The following ASAP2 variants were observed in gnomAD, a reference collection of about 807,000 sequenced individuals.
The protein encoded by ASAP2 is arf-GAP with SH3 domain, ANK repeat and PH domain-containing protein 2.
A neutral mutation model predicts 131.4 loss-of-function variants in ASAP2; 45 were observed. The observed-to-expected ratio is 0.34, with a 90% confidence interval of 0.27 to 0.44. The LOEUF (loss-of-function observed/expected upper bound fraction) is 0.44, where lower values mean the gene tolerates loss of function less well. Ranked by LOEUF, ASAP2 falls within the 20% of genes least tolerant of loss-of-function variation. ASAP2 has a pLI of 1.00. For synonymous variants in ASAP2, 510 were observed against 503.0 expected (o/e 1.01, Z -0.19); for missense variants, 1,011 against 1,297.0 (o/e 0.78, Z 3.39).
chr2:9,326,474 G>A (rs949880083), intron 6 of ASAP2, among the ~76,000 whole-genome samples: 4 of 126,684 alleles, frequency 3.2e-5, no homozygotes, highest in African/African-American at 1.4e-4. Flanking sequence ...GAGAAGGCGT[G>A]AGAAGATCCT....
intron 27 of ASAP2, among the ~76,000 whole-genome samples, chr2:9,402,119 G>C (rs1292466760): frequency 6.6e-6 from 1 of 152,234 alleles, no homozygotes; most frequent in Non-Finnish European, 1.5e-5. Context: ...GTTCAGCTGG[G>C]AACTCACAGG....
At chr2:9,339,075 A>C (rs1671413270) in intron 9 of ASAP2, among the ~76,000 whole-genome samples, 1 of 152,148 alleles carries the variant, frequency 6.6e-6, no homozygotes, top group South Asian at 2.1e-4. Context: ...GCTACCCGGG[A>C]GGCTGAGGTG....
chr2:9,317,322 C>T (rs924877007), intron 3 of ASAP2, among the ~76,000 whole-genome samples: 67 of 75,126 alleles, frequency 8.9e-4, no homozygotes, highest in Admixed American at 2.3e-3. Flanking sequence ...TCCACTCACA[C>T]AATCATATCT....
rs986563420 is a variant in ASAP2, at chr2:9,403,415, G to C, written c.*88G>C. Reference sequence around the variant, plus strand: ...TGCCAGATAACCAGTTTCATGAACTGTTTGTATGGCAGCCCATGTTCTCTA... The same window carrying C: ...TGCCAGATAACCAGTTTCATGAACTCTTTGTATGGCAGCCCATGTTCTCTA... On this transcript the variant is annotated 3_prime_UTR_variant, in exon 28 of 28. Transcript: ENST00000281419. 7.7e-7 allele frequency: 1 copy of C among 1,303,456 alleles called. No individual in the cohort carries two copies. Among genetic ancestry groups the C allele is most frequent in the African/African-American group, 1.5e-5 (1 of 68,714 alleles). The allele number at this position is 1,303,456 out of a possible 1,614,324, so 80.7% of individuals were successfully genotyped here.
chr2:9,396,456 T>A (rs189666038), intron 24 of ASAP2, among the ~76,000 whole-genome samples: 2 of 152,168 alleles, frequency 1.3e-5, no homozygotes, highest in Admixed American at 1.3e-4. Context: ...TTTTATATTT[T>A]GTAGAGGTGG....
chr2:9,362,731 A>G (rs1673190931), intron 15 of ASAP2, among the ~76,000 whole-genome samples: 1 of 152,136 alleles, frequency 6.6e-6, no homozygotes, highest in African/African-American at 2.4e-5. Context: ...GGTCCCAGCT[A>G]CTTGGGAGGC....
chr2:9,271,327 A>G (rs1666378279), intron 1 of ASAP2: 2 of 1,015,650 alleles, frequency 2.0e-6, no homozygotes, highest in African/African-American at 3.2e-5. Flanking sequence ...TAGCCAGTCC[A>G]AGCTCTACGA....
chr2:9,224,677 C>A (rs1325259307), intron 1 of ASAP2, among the ~76,000 whole-genome samples: 3 of 152,212 alleles, frequency 2.0e-5, no homozygotes, highest in Non-Finnish European at 1.5e-5. Context: ...GTAGAACCTT[C>A]CCTAACACTC....
chr2:9,270,812 A>G (rs1392972205), intron 1 of ASAP2, among the ~76,000 whole-genome samples: 1 of 30,380 alleles, frequency 3.3e-5, no homozygotes, highest in African/African-American at 1.5e-4. Context: ...TTTTTTTTTG[A>G]GACGGAGTCT....
At position 9,367,151 on chromosome 2, in the gene ASAP2, C is replaced by T. The variant is rs151325668; in HGVS notation, c.1462-1274C>T. Among the ~76,000 whole-genome samples the T allele has an allele frequency of 4.9e-3, 737 of 151,768 alleles. 5 individuals carry two copies. The highest frequency in any genetic ancestry group is 0.017 in the African/African-American group (716 of 41,242). ...ATTCAAGCAATTCTCCTGTCTCAGCCTCCTGAGTAGCTGGGACTACAGGTG... is the reference window on the plus strand; with the variant it reads ...ATTCAAGCAATTCTCCTGTCTCAGCTTCCTGAGTAGCTGGGACTACAGGTG... On this transcript the variant is annotated intron_variant, in intron 15 of 27. Transcript: ENST00000281419.
At chr2:9,398,135 C>G (rs952474946) in intron 24 of ASAP2, among the ~76,000 whole-genome samples, 1 of 151,952 alleles carries the variant, frequency 6.6e-6, no homozygotes, top group African/African-American at 2.4e-5. Flanking sequence ...GGAACATTAG[C>G]CACACCTGTT....
At chr2:9,221,904 C>T (rs1392195912) in intron 1 of ASAP2, among the ~76,000 whole-genome samples, 1 of 152,180 alleles carries the variant, frequency 6.6e-6, no homozygotes, top group Non-Finnish European at 1.5e-5. Context: ...CGCCATTCTC[C>T]TGCCTCAGCC....
chr2:9,309,058 C>T (rs1669126859), intron 3 of ASAP2, among the ~76,000 whole-genome samples: 2 of 152,160 alleles, frequency 1.3e-5, no homozygotes, highest in South Asian at 4.1e-4. Context: ...GCGCACTTCC[C>T]CCAGGTCCTC....
At chr2:9,370,893 A>T (rs1033165269) in intron 16 of ASAP2, among the ~76,000 whole-genome samples, 1 of 152,192 alleles carries the variant, frequency 6.6e-6, no homozygotes, top group Non-Finnish European at 1.5e-5. Flanking sequence ...TGGCGAGGTC[A>T]TCTCCTGCTG....
intron 3 of ASAP2, among the ~76,000 whole-genome samples, chr2:9,301,841 T>TTTTTTTTTTTTTTTTTG (rs1668498205): frequency 6.9e-6 from 1 of 145,886 alleles, no homozygotes; most frequent in African/African-American, 2.7e-5. Flanking sequence ...TTTTTTTTTT[T>TTTTTTTTTTTTTTTTTG]GAGACGGAGT....
At chr2:9,401,172 G>T in intron 26 of ASAP2, 102 bp from the exon 27 acceptor site, 8 of 1,464,814 alleles carry the variant, frequency 5.5e-6, no homozygotes, top group Non-Finnish European at 7.5e-6. Context: ...TCAGGCCTAG[G>T]TACGGGACTC....
In ASAP2 at chr2:9,393,645, G is replaced by A. The variant is rs6728908; in HGVS notation, c.2682G>A (p.Pro894=). The A allele has an allele frequency of 0.016, 24,385 of 1,567,638 alleles. 2,404 individuals are homozygous for A. In the African/African-American group the frequency reaches 0.25, roughly 16 times the overall value. ...GCCTCCCGCAGAAGAAGCCTGCGCC[G>A]GGGTAAGCCACCCCCAGCCAGCTCG... is the stretch of plus-strand genomic sequence containing the variant. The part of the protein sequence containing the change: ...PSRLPQKKPA[P]GADKSTPLTN... The change falls in exon 24 of 28, where the codon CCG becomes CCA. Residue 894 remains proline (P), a splice_region_variant and synonymous_variant. Transcript: ENST00000281419.
intron 7 of ASAP2, among the ~76,000 whole-genome samples, chr2:9,331,977 G>T (rs1409181428): frequency 1.3e-5 from 2 of 152,102 alleles, no homozygotes; most frequent in African/African-American, 4.8e-5. Context: ...AGCAGACACC[G>T]CATTGGAATG....
intron 1 of ASAP2, among the ~76,000 whole-genome samples, chr2:9,229,471 A>G (rs1052403192): frequency 6.6e-6 from 1 of 152,208 alleles, no homozygotes; most frequent in African/African-American, 2.4e-5. Context: ...GGGCAGCTAC[A>G]AAGGAGACAG....
Sources: gnomAD v4.1 joint callset for allele counts (sites outside exome capture counted in the v4.1 genomes callset) on GRCh38, gnomAD v4.1.1 for gene constraint, MANE v1.5 for transcripts, NCBI Gene and HGNC (gene_info 2026-07-23, HGNC 2026-07-21) for gene names.